The following SEMA6D variants were observed in gnomAD, a reference collection of about 807,000 sequenced individuals.
SEMA6D encodes semaphorin-6D.
A neutral mutation model predicts 106.6 loss-of-function variants in SEMA6D; 35 were observed. The observed-to-expected ratio is 0.33, with a 90% CI of 0.25 to 0.44. SEMA6D has a LOEUF of 0.44. Ranked by LOEUF, SEMA6D falls within the 20% of genes least tolerant of loss-of-function variation. The probability of loss-of-function intolerance (pLI) is 1.00; values close to 1 mark genes in which losing one functional copy is unlikely to be tolerated. For missense variants in SEMA6D, 1,185 were observed against 1,345.9 expected (o/e 0.88, Z 1.87); for synonymous variants, 499 against 487.7 (o/e 1.02, Z -0.31).
intron 1 of SEMA6D, among the ~76,000 whole-genome samples, chr15:47,348,721 CACA>C (rs1567016670): frequency 7.3e-4 from 18 of 24,640 alleles, no homozygotes; most frequent in African/African-American, 1.7e-3. Flanking sequence ...ACACACACCA[CACA>C]CACAGAGAGA....
rs564463576 is a variant in SEMA6D, at chr15:47,212,434, C to A, written c.-239+28016C>A. 1.6e-4 allele frequency among the ~76,000 whole-genome samples: 25 copies of A among 152,272 alleles called. No individual in the cohort carries two copies. In the South Asian group the frequency reaches 5.2e-3, roughly 32 times the overall value. On this transcript the variant is annotated intron_variant, in intron 1 of 19. Coordinates refer to the SEMA6D transcript ENST00000558014. ...ATTTTATCTCTGACGGTGACGTTCTCACCTGAAATTTGGCGAGTGGGTGAT... is the reference window on the plus strand; with the variant it reads ...ATTTTATCTCTGACGGTGACGTTCTAACCTGAAATTTGGCGAGTGGGTGAT...
intron 3 of SEMA6D, among the ~76,000 whole-genome samples, chr15:47,523,445 C>T (rs1232229391): frequency 1.3e-5 from 2 of 151,902 alleles, no homozygotes; most frequent in African/African-American, 4.8e-5. Flanking sequence ...ACAGGAAGAA[C>T]AGTTGGGAAG....
chr15:47,212,237 T>G (rs1452898627), intron 1 of SEMA6D, among the ~76,000 whole-genome samples: 2 of 152,196 alleles, frequency 1.3e-5, no homozygotes, highest in Non-Finnish European at 2.9e-5. Flanking sequence ...AAATTAAAAT[T>G]GAAATGATGA....
intron 1 of SEMA6D, among the ~76,000 whole-genome samples, chr15:47,727,507 C>G (rs2079835139): frequency 6.6e-6 from 1 of 152,146 alleles, no homozygotes; most frequent in African/African-American, 2.4e-5. Flanking sequence ...GGTGCTAGAC[C>G]TCAGGGCTAC....
chr15:47,245,670 C>A (rs1185512651), intron 1 of SEMA6D, among the ~76,000 whole-genome samples: 1 of 152,170 alleles, frequency 6.6e-6, no homozygotes, highest in Non-Finnish European at 1.5e-5. Context: ...CAATTTTCTG[C>A]ATGCTAAGCA....
chr15:47,761,004 A>G lies in SEMA6D; in HGVS notation c.248A>G (p.Asn83Ser), dbSNP rs749468791. Residue 83 changes from asparagine (N) to serine (S), a missense_variant, in exon 4 of 19, where the codon AAT becomes AGT. This residue lies in a region of SEMA6D where 144 missense variants were observed against 138.6 expected (regional missense o/e 1.04). Transcript: ENST00000536845. Reference sequence around the variant, plus strand: ...GATCAAGTTTATACAGTAAACTTAAATGAAATGCCCAAAACAGAAGTAATA... The same window carrying G: ...GATCAAGTTTATACAGTAAACTTAAGTGAAATGCCCAAAACAGAAGTAATA... The part of the protein sequence containing the change: ...GRDQVYTVNL[N>S]EMPKTEVIPN... 1.9e-6 allele frequency: 3 copies of G among 1,613,530 alleles called. No individual in the cohort carries two copies. In the Admixed American group the frequency reaches 5.0e-5, roughly 27 times the overall value.
At chr15:47,508,446 A>G (rs1048804811) in intron 3 of SEMA6D, among the ~76,000 whole-genome samples, 2 of 152,188 alleles carry the variant, frequency 1.3e-5, no homozygotes, top group Non-Finnish European at 2.9e-5. Flanking sequence ...GGATGGCCCC[A>G]TGGAGTGGCG....
Position 47,773,993 on chromosome 15 carries a change from T to C in SEMA6D, c.*2208T>C, listed in dbSNP as rs1190884372. 1 of 152,648 alleles carries C rather than the reference T, an allele frequency of 6.6e-6. No individual in the cohort carries two copies. The highest frequency in any genetic ancestry group is 6.5e-5 in the Admixed American group (1 of 15,288). 9.5% of individuals were successfully genotyped at this position (152,648 alleles called of 1,614,324 possible). On this transcript the variant is annotated 3_prime_UTR_variant, in exon 19 of 19. Transcript: ENST00000536845. ...TTAAATCTAGTCTCTATCCTGTTAA[T>C]TTAATTTTTAAATGCTTTATCCATT... is the stretch of plus-strand genomic sequence containing the variant.
chr15:47,708,192 TC>T (rs1051371628), intron 4 of SEMA6D, among the ~76,000 whole-genome samples: 2 of 152,196 alleles, frequency 1.3e-5, no homozygotes, highest in Non-Finnish European at 2.9e-5. Flanking sequence ...AAATCTGTCT[TC>T]TAAACACATG....
intron 3 of SEMA6D, among the ~76,000 whole-genome samples, chr15:47,594,254 A>G (rs2076495795): frequency 2.6e-5 from 4 of 152,088 alleles, no homozygotes; most frequent in Admixed American, 2.6e-4. Flanking sequence ...GAGAAAGTTC[A>G]TTTCTTTTGC....
In SEMA6D at chr15:47,315,128, A is replaced by G. The variant is rs1045071805; in HGVS notation, c.-238-97265A>G. On this transcript the variant is annotated intron_variant, in intron 1 of 19. Transcript: ENST00000558014. ...TGATCCGCCTGCCTCGGCCTCCCAAAGTGCTGGGATTACAAGCGTGAGCCA... is the reference window on the plus strand; with the variant it reads ...TGATCCGCCTGCCTCGGCCTCCCAAGGTGCTGGGATTACAAGCGTGAGCCA... 4.6e-5 allele frequency among the ~76,000 whole-genome samples: 7 copies of G among 152,014 alleles called. No individual in the cohort carries two copies. The South Asian group carries it at 8.3e-4, about 18-fold the overall frequency.
At chr15:47,674,834 CT>C (rs1183827244) in intron 4 of SEMA6D, among the ~76,000 whole-genome samples, 1 of 152,080 alleles carries the variant, frequency 6.6e-6, no homozygotes, top group Non-Finnish European at 1.5e-5. Flanking sequence ...GCAGCTGCCC[CT>C]TTATTGAGGA....
chr15:47,187,618 A>G (rs1008473034), intron 1 of SEMA6D, among the ~76,000 whole-genome samples: 1 of 152,180 alleles, frequency 6.6e-6, no homozygotes, highest in Non-Finnish European at 1.5e-5. Flanking sequence ...ATTTATTTGT[A>G]CTATATACTA....
At chr15:47,726,075 CCCACCCCGTT>C (rs2079732113) in intron 1 of SEMA6D, among the ~76,000 whole-genome samples, 1 of 152,236 alleles carries the variant, frequency 6.6e-6, no homozygotes, top group Admixed American at 6.5e-5. Flanking sequence ...CGGTCTGGCT[CCCACCCCGTT>C]GCTTGTTGAA....
At chr15:47,570,812 GAC>G (rs1596338262) in intron 3 of SEMA6D, among the ~76,000 whole-genome samples, 1 of 152,210 alleles carries the variant, frequency 6.6e-6, no homozygotes, top group African/African-American at 2.4e-5. Context: ...TGTGGCCAAA[GAC>G]ACAGCAAGGT....
chr15:47,510,264 T>G (rs1206819336), intron 3 of SEMA6D, among the ~76,000 whole-genome samples: 1 of 152,104 alleles, frequency 6.6e-6, no homozygotes, highest in Non-Finnish European at 1.5e-5. Context: ...GCAAGGGAGA[T>G]AGGTTGCACC....
chr15:47,242,622 A>G (rs1248766042), intron 1 of SEMA6D, among the ~76,000 whole-genome samples: 2 of 152,216 alleles, frequency 1.3e-5, no homozygotes, highest in African/African-American at 4.8e-5. Flanking sequence ...ATATTGCATT[A>G]AACTACAAAC....
At chr15:47,318,574 A>G (rs1253577727) in intron 1 of SEMA6D, among the ~76,000 whole-genome samples, 2 of 149,230 alleles carry the variant, frequency 1.3e-5, no homozygotes, top group Non-Finnish European at 3.0e-5. Flanking sequence ...AATTTCATTT[A>G]TGTCCCTACA....
intron 1 of SEMA6D, among the ~76,000 whole-genome samples, chr15:47,216,782 T>G (rs1452157452): frequency 1.3e-5 from 2 of 151,980 alleles, no homozygotes; most frequent in African/African-American, 4.8e-5. Flanking sequence ...ACATCAAATA[T>G]AATTAAAGAG....
Sources: allele counts gnomAD v4.1 joint callset (sites outside exome capture counted in the v4.1 genomes callset), GRCh38; gene constraint gnomAD v4.1.1; regional missense constraint gnomAD v4.1.1; transcripts MANE v1.5; gene names NCBI Gene and HGNC (gene_info 2026-07-23, HGNC 2026-07-21).